The following STEAP4 variants were observed in gnomAD, a reference collection of about 807,000 sequenced individuals.
STEAP4 encodes metalloreductase STEAP4.
STEAP4 carries 36 observed loss-of-function variants against 43.6 expected under a neutral mutation model. That is an observed-to-expected ratio of 0.83 (90% confidence interval 0.63 to 1.09). The LOEUF (loss-of-function observed/expected upper bound fraction) is 1.09. Among genes scored for constraint, STEAP4 ranks in the 50% least tolerant of loss-of-function variants. STEAP4 has a pLI of 0.00. For synonymous variants in STEAP4, 191 were observed against 196.7 expected, an observed-to-expected ratio of 0.97 and a Z score of 0.24; for missense variants, 495 against 546.5, an observed-to-expected ratio of 0.91 and a Z score of 0.94.
At chr7:88,283,280 G>A (rs879392808) in intron 2 of STEAP4, 112 bp from the exon 3 acceptor site, 9 of 1,117,312 alleles carry the variant, frequency 8.1e-6, no homozygotes, top group East Asian at 2.7e-5. Flanking sequence ...ACAGTGAACC[G>A]ATTTTAAAAT....
chr7:88,294,923 A>G (rs1852900662), intron 1 of STEAP4, among the ~76,000 whole-genome samples: 1 of 152,168 alleles, frequency 6.6e-6, no homozygotes, highest in Admixed American at 6.5e-5. Context: ...ATGAAGATAG[A>G]TTTCTTTATG....
At chr7:88,293,757 G>T (rs1442506019) in intron 1 of STEAP4, among the ~76,000 whole-genome samples, 2 of 152,050 alleles carry the variant, frequency 1.3e-5, no homozygotes, top group Non-Finnish European at 2.9e-5. Context: ...AGAGGTGTGG[G>T]TCTATTTCTG....
In STEAP4 at chr7:88,297,286, T is replaced by C. The variant is rs1036585112; in HGVS notation, c.-3+9506A>G. Among the ~76,000 whole-genome samples the C allele has an allele frequency of 1.4e-4, 21 of 152,182 alleles. 1 individual carries two copies. The highest frequency in any genetic ancestry group is 1.5e-5 in the Non-Finnish European group (1 of 68,028). On this transcript the variant is annotated intron_variant, in intron 1 of 4. Coordinates refer to ENST00000380079, the MANE Select transcript of STEAP4 (RefSeq NM_024636.4). ...GTGTGCTTCAAAAACAGTGTGTGTG[T>C]ACATTATTATAAGAAAGTTGGACAA...
intron 1 of STEAP4, among the ~76,000 whole-genome samples, chr7:88,297,094 T>C (rs1337058125): frequency 1.3e-5 from 2 of 152,218 alleles, no homozygotes; most frequent in African/African-American, 4.8e-5. Flanking sequence ...AAATTCTTTC[T>C]TTTAATATAC....
rs1322772687 is a variant in STEAP4, at chr7:88,270,959, GT to G, written c.*8438del. The G allele has an allele frequency of 1.3e-5, 2 of 151,862 alleles. No homozygotes were observed. The highest frequency in any genetic ancestry group is 4.8e-5 in the African/African-American group (2 of 41,338). The allele number at this position is 151,862 out of a possible 1,614,324, so 9.4% of individuals were successfully genotyped here. The stretch of plus-strand genomic sequence containing the variant: ...CACGATAATTATACATATTTATGGG[GT>G]ACATAGTGACATTGCAATACACAAA... On this transcript the variant is annotated 3_prime_UTR_variant, in exon 5 of 5. Coordinates refer to ENST00000380079, the MANE Select transcript of STEAP4 (RefSeq NM_024636.4).
chr7:88,279,651 T>A (rs1000297175), intron 4 of STEAP4, 23 bp from the exon 5 acceptor site: 1 of 1,560,994 alleles, frequency 6.4e-7, no homozygotes, highest in African/African-American at 1.4e-5. Flanking sequence ...AACAAAAATA[T>A]GTAAGTTAAC....
At position 88,276,565 on chromosome 7, in the gene STEAP4, T is replaced by C. The variant is rs1852516293; in HGVS notation, c.*2833A>G. The C allele has an allele frequency of 6.6e-6, 1 of 152,328 alleles. No individual in the cohort carries two copies. Among genetic ancestry groups the C allele is most frequent in the Non-Finnish European group, 1.5e-5 (1 of 68,044 alleles). 9.4% of individuals were successfully genotyped at this position (152,328 alleles called of 1,614,324 possible). On this transcript the variant is annotated 3_prime_UTR_variant, in exon 5 of 5. Transcript: ENST00000380079. ...GAAACATATCAGCAGTAAAGAAGTT[T>C]AGTTTAACTTTTTTTTTAAATGTAA...
intron 2 of STEAP4, 104 bp downstream of exon 2, chr7:88,283,710 T>G: frequency 8.1e-7 from 1 of 1,227,344 alleles, no homozygotes. Flanking sequence ...AATGTAATAT[T>G]TAGTGGGCAT....
chr7:88,286,227 T>A (rs1852731552), intron 1 of STEAP4, among the ~76,000 whole-genome samples: 1 of 152,326 alleles, frequency 6.6e-6, no homozygotes, highest in East Asian at 1.9e-4. Flanking sequence ...AAATTCAACA[T>A]AACAATTATA....
At position 88,273,417 on chromosome 7, in the gene STEAP4, G is replaced by A. The variant is rs1852468670; in HGVS notation, c.*5981C>T. 6.6e-6 allele frequency: 1 copy of A among 152,084 alleles called. No individual in the cohort carries two copies. Among genetic ancestry groups the A allele is most frequent in the Non-Finnish European group, 1.5e-5 (1 of 68,026 alleles). 9.4% of individuals were successfully genotyped at this position (152,084 alleles called of 1,614,324 possible). On this transcript the variant is annotated 3_prime_UTR_variant, in exon 5 of 5. Coordinates refer to ENST00000380079, the MANE Select transcript of STEAP4 (RefSeq NM_024636.4). The stretch of plus-strand genomic sequence containing the variant: ...GATACTTTTTGATATACAATACTGT[G>A]AGTTCCAGTCCAGCAGCCTTTCATT...
chr7:88,287,725 G>T (rs2115977548), intron 1 of STEAP4, among the ~76,000 whole-genome samples: 1 of 152,242 alleles, frequency 6.6e-6, no homozygotes, highest in Non-Finnish European at 1.5e-5. Context: ...CTGATCTTAG[G>T]TTTTATAATA....
Position 88,279,712 on chromosome 7 carries a change from C to T in STEAP4, c.1150-84G>A, listed in dbSNP as rs570124417. 2.9e-4 allele frequency: 338 copies of T among 1,147,600 alleles called. No homozygotes were observed. The African/African-American group carries it at 4.7e-3, about 16-fold the overall frequency. The allele number at this position is 1,147,600 out of a possible 1,614,324, so 71.1% of individuals were successfully genotyped here. A position where few individuals can be genotyped will look rare whatever the true frequency, so the allele number is the denominator to read the frequency against. On this transcript the variant is annotated intron_variant, in intron 4 of 4. Coordinates refer to ENST00000380079, the MANE Select transcript of STEAP4 (RefSeq NM_024636.4). Reference sequence around the variant, plus strand: ...CTCTAAGCCAGTGACAGATATTTGTCAACAACCACAAACATTTGAGACCTA... The same window carrying T: ...CTCTAAGCCAGTGACAGATATTTGTTAACAACCACAAACATTTGAGACCTA...
intron 1 of STEAP4, among the ~76,000 whole-genome samples, chr7:88,293,708 G>A (rs573404665): frequency 1.3e-5 from 2 of 152,126 alleles, no homozygotes; most frequent in South Asian, 4.1e-4. Flanking sequence ...ATTTTTTGCT[G>A]AATTGCTTTC....
chr7:88,300,907 T>C (rs893518437), intron 1 of STEAP4, among the ~76,000 whole-genome samples: 1 of 152,172 alleles, frequency 6.6e-6, no homozygotes, highest in Non-Finnish European at 1.5e-5. Context: ...CCTTGTGGTT[T>C]CCCTACCCCA....
In STEAP4 at chr7:88,275,849, G is replaced by T. The variant is rs1402999887; in HGVS notation, c.*3549C>A. 6.6e-6 allele frequency: 1 copy of T among 152,116 alleles called. No individual in the cohort carries two copies. Among genetic ancestry groups the T allele is most frequent in the Non-Finnish European group, 1.5e-5 (1 of 68,020 alleles). 9.4% of individuals were successfully genotyped at this position (152,116 alleles called of 1,614,324 possible). On this transcript the variant is annotated 3_prime_UTR_variant, in exon 5 of 5. Transcript: ENST00000380079. The stretch of plus-strand genomic sequence containing the variant: ...ATAGATGAATGAAGAGCTCCTGAAT[G>T]AATTTCTAATTGAAATGGCTTTTTC...
intron 1 of STEAP4, chr7:88,291,123 G>T (rs1419256436): frequency 6.6e-6 from 1 of 151,972 alleles, no homozygotes; most frequent in East Asian, 1.9e-4. Flanking sequence ...CAAATTAAGG[G>T]TTAATTATGC....
chr7:88,274,520 T>C lies in STEAP4; in HGVS notation c.*4878A>G, dbSNP rs1261337561. ...GCTTGAGGAGAGGTAATGCATATGT[T>C]ACCAGAAAGGGGGTCCAATACAGAC... On this transcript the variant is annotated 3_prime_UTR_variant, in exon 5 of 5. Transcript: ENST00000380079. The C allele has an allele frequency of 6.6e-6, 1 of 152,166 alleles. No individual in the cohort carries two copies. Among genetic ancestry groups the C allele is most frequent in the Non-Finnish European group, 1.5e-5 (1 of 68,034 alleles). 9.4% of individuals were successfully genotyped at this position (152,166 alleles called of 1,614,324 possible).
intron 1 of STEAP4, among the ~76,000 whole-genome samples, chr7:88,294,717 T>C (rs1216502634): frequency 6.6e-6 from 1 of 152,046 alleles, no homozygotes; most frequent in Admixed American, 6.6e-5. Flanking sequence ...ACTTGGAAAA[T>C]GGGCCAATTG....
At position 88,304,640 on chromosome 7, in the gene STEAP4, TTG is replaced by T. The variant is rs148793788; in HGVS notation, c.-3+2150_-3+2151del. On this transcript the variant is annotated intron_variant, in intron 1 of 4. Transcript: ENST00000380079. ...TTGAAGGACTACTGTGTTGCTGCTG[TTG>T]TGTGTGTGTGTGTGTGTGTGTGTGT... Among the ~76,000 whole-genome samples, 631 of 146,714 alleles carry T rather than the reference TTG, an allele frequency of 4.3e-3. 3 individuals carry two copies. The highest frequency in any genetic ancestry group is 8.8e-3 in the African/African-American group (355 of 40,336).
Sources: allele counts gnomAD v4.1 joint callset (sites outside exome capture counted in the v4.1 genomes callset), GRCh38; gene constraint gnomAD v4.1.1; transcripts MANE v1.5; gene names NCBI Gene and HGNC (gene_info 2026-07-23, HGNC 2026-07-21).